Variants in UPP2 observed in about 807,000 individuals in gnomAD.
UPP2 encodes the protein uridine phosphorylase 2.
A neutral mutation model predicts 26.7 loss-of-function variants in UPP2; 23 were observed. That is an observed-to-expected ratio of 0.86 (90% CI 0.62 to 1.22). UPP2 has a LOEUF of 1.22. UPP2 is among the 50% of genes most tolerant of loss of function. The probability of loss-of-function intolerance (pLI) is 0.00; values close to 1 mark genes in which losing one functional copy is unlikely to be tolerated. For missense variants in UPP2, 387 were observed against 396.7 expected, an observed-to-expected ratio of 0.98 and a Z score of 0.21; for synonymous variants, 127 against 141.3, an observed-to-expected ratio of 0.90 and a Z score of 0.72.
chr2:158,116,379 C>T (rs1683431981), intron 3 of UPP2, among the ~76,000 whole-genome samples: 1 of 152,138 alleles, frequency 6.6e-6, no homozygotes, highest in Non-Finnish European at 1.5e-5. Context: ...AAGTAAGTTT[C>T]TTAAAAATGT....
In UPP2 at chr2:158,118,010, T is replaced by C. The variant is rs1357020731; in HGVS notation, c.454+72T>C. On this transcript the variant is annotated intron_variant, in intron 4 of 6. Transcript: ENST00000005756. ...ACATGGTAGCTGCCAAAATATAACA[T>C]CCTATTCAGAGCCCAGCAAAAGCCC... is the stretch of plus-strand genomic sequence containing the variant. 7.7e-6 allele frequency: 10 copies of C among 1,301,232 alleles called. No individual in the cohort carries two copies. The South Asian group carries it at 1.2e-4, about 16-fold the overall frequency. The allele number at this position is 1,301,232 out of a possible 1,614,324, so 80.6% of individuals were successfully genotyped here.
intron 3 of UPP2, among the ~76,000 whole-genome samples, chr2:158,030,752 A>C (rs1683909331): frequency 6.6e-6 from 1 of 152,350 alleles, no homozygotes; most frequent in South Asian, 2.1e-4. Flanking sequence ...TCCCAGGGGC[A>C]GTTCCTTTTC....
intron 3 of UPP2, among the ~76,000 whole-genome samples, chr2:158,040,766 C>T (rs528667499): frequency 6.6e-6 from 1 of 152,284 alleles, no homozygotes; most frequent in East Asian, 1.9e-4. Flanking sequence ...ACATTGGTTA[C>T]ATCATGCTTG....
At chr2:158,061,692 T>C (rs1183218812) in intron 3 of UPP2, among the ~76,000 whole-genome samples, 1 of 152,232 alleles carries the variant, frequency 6.6e-6, no homozygotes, top group African/African-American at 2.4e-5. Context: ...CTAGATCATT[T>C]GGATTATTTG....
rs139419684 is a variant in UPP2, at chr2:158,119,705, A to G, written c.455-1704A>G. 7.8e-4 allele frequency among the ~76,000 whole-genome samples: 119 copies of G among 152,132 alleles called. 2 individuals are homozygous for G. Among genetic ancestry groups the G allele is most frequent in the African/African-American group, 2.6e-3 (109 of 41,556 alleles). On this transcript the variant is annotated intron_variant, in intron 4 of 6. Transcript: ENST00000005756. ...TTGTGAACAATTCAAGGAGCCACTTACTTGGATTGTTTAAAAACTATCTGG... is the reference window on the plus strand; with the variant it reads ...TTGTGAACAATTCAAGGAGCCACTTGCTTGGATTGTTTAAAAACTATCTGG...
At chr2:158,019,474 AG>A (rs1683712657) in intron 3 of UPP2, among the ~76,000 whole-genome samples, 1 of 152,160 alleles carries the variant, frequency 6.6e-6, no homozygotes, top group South Asian at 2.1e-4. Context: ...GCACCACCCC[AG>A]TGGTTCATCT....
chr2:158,048,359 A>C (rs1446048341), intron 3 of UPP2, among the ~76,000 whole-genome samples: 7 of 152,192 alleles, frequency 4.6e-5, no homozygotes, highest in African/African-American at 1.7e-4. Context: ...TGATCCCAGC[A>C]CTTTGGGAGG....
At chr2:158,133,601 C>T (rs1683870726) in intron 6 of UPP2, 1 of 152,084 alleles carries the variant, frequency 6.6e-6, no homozygotes, top group Admixed American at 6.5e-5. Flanking sequence ...ATACATATAT[C>T]AAAACATCAC....
At chr2:158,071,309 C>T (rs1682535635) in intron 3 of UPP2, among the ~76,000 whole-genome samples, 1 of 152,024 alleles carries the variant, frequency 6.6e-6, no homozygotes, top group Non-Finnish European at 1.5e-5. Flanking sequence ...AATCCTAGCA[C>T]TTTGGGAGGC....
At chr2:158,105,189 A>C (rs904554014) in intron 1 of UPP2, among the ~76,000 whole-genome samples, 1 of 152,148 alleles carries the variant, frequency 6.6e-6, no homozygotes, top group South Asian at 2.1e-4. Context: ...TACTATCCAA[A>C]TAACCGAAAG....
rs540761189 is a variant in UPP2 at position 158,062,902 on chromosome 2, C to T, written c.148-39138C>T. Among the ~76,000 whole-genome samples, 8 of 152,252 alleles carry T rather than the reference C, an allele frequency of 5.3e-5. No individual in the cohort carries two copies. In the South Asian group the frequency reaches 1.7e-3, roughly 32 times the overall value. On this transcript the variant is annotated intron_variant, in intron 3 of 9. Coordinates refer to the UPP2 transcript ENST00000605860. ...GAGAGGTGTGAAACTTGACTATGCT[C>T]AGATTCAATGCACATTTGTTGGGTA...
intron 3 of UPP2, among the ~76,000 whole-genome samples, chr2:158,028,933 C>G (rs533540851): frequency 2.6e-5 from 4 of 152,182 alleles, no homozygotes; most frequent in Non-Finnish European, 5.9e-5. Flanking sequence ...CCCACCAGGC[C>G]CCTCCCACAA....
At chr2:158,133,597 A>G (rs1396984075) in intron 6 of UPP2, 1 of 152,258 alleles carries the variant, frequency 6.6e-6, no homozygotes, top group African/African-American at 2.4e-5. Context: ...ATGTATACAT[A>G]TATCAAAACA....
At chr2:158,100,250 G>A (rs1433185389), upstream of UPP2, among the ~76,000 whole-genome samples, 4 of 152,194 alleles carry the variant, frequency 2.6e-5, no homozygotes, top group Admixed American at 1.3e-4. Context: ...ATGTCTGACC[G>A]AGTTGTTACA....
intron 3 of UPP2, among the ~76,000 whole-genome samples, chr2:158,064,962 C>T (rs920864759): frequency 6.6e-6 from 1 of 152,138 alleles, no homozygotes; most frequent in African/African-American, 2.4e-5. Flanking sequence ...GTTTTGGTAC[C>T]AGTACCATGC....
At chr2:158,045,116 G>T (rs1574260974) in intron 3 of UPP2, among the ~76,000 whole-genome samples, 1 of 151,960 alleles carries the variant, frequency 6.6e-6, no homozygotes, top group African/African-American at 2.4e-5. Context: ...AAACCCCCTT[G>T]TCCCTTGAGA....
chr2:158,066,924 AT>A (rs34346859), intron 3 of UPP2, among the ~76,000 whole-genome samples: 2 of 152,148 alleles, frequency 1.3e-5, no homozygotes, highest in Admixed American at 1.3e-4. Flanking sequence ...TTAGTAAAAT[AT>A]TTTTTAAAGG....
chr2:158,035,549 C>A (rs908495780), intron 3 of UPP2, among the ~76,000 whole-genome samples: 1 of 152,186 alleles, frequency 6.6e-6, no homozygotes, highest in African/African-American at 2.4e-5. Flanking sequence ...GGAACTCCTC[C>A]TCCATTTTAC....
intron 5 of UPP2, among the ~76,000 whole-genome samples, chr2:158,123,301 G>A (rs142014002): frequency 3.3e-5 from 5 of 152,218 alleles, no homozygotes; most frequent in South Asian, 2.1e-4. Flanking sequence ...ATGGAGAGGC[G>A]CAATGTCCAA....
Sources: gnomAD v4.1 joint callset for allele counts (sites outside exome capture counted in the v4.1 genomes callset) on GRCh38, gnomAD v4.1.1 for gene constraint, MANE v1.5 for transcripts, NCBI Gene and HGNC (gene_info 2026-07-23, HGNC 2026-07-21) for gene names.